The following NUDCD1 variants were observed in gnomAD, a reference collection of about 807,000 sequenced individuals.
The protein encoded by NUDCD1 is NudC domain containing 1, also known as nudC domain-containing protein 1.
A neutral mutation model predicts 67.8 loss-of-function variants in NUDCD1; 60 were observed. The observed-to-expected ratio is 0.88, with a 90% CI of 0.72 to 1.10. The LOEUF (loss-of-function observed/expected upper bound fraction) is 1.10, where lower values mean the gene tolerates loss of function less well. Among genes scored for constraint, NUDCD1 ranks in the 50% least tolerant of loss-of-function variants. The probability of loss-of-function intolerance (pLI) is 0.00; values close to 1 mark genes in which losing one functional copy is unlikely to be tolerated. For missense variants in NUDCD1, 643 were observed against 695.0 expected, an observed-to-expected ratio of 0.93 and a Z score of 0.84; for synonymous variants, 244 against 230.8, an observed-to-expected ratio of 1.06 and a Z score of -0.52.
At chr8:109,304,992 C>T (rs1208253949) in intron 2 of NUDCD1, among the ~76,000 whole-genome samples, 1 of 152,210 alleles carries the variant, frequency 6.6e-6, no homozygotes, top group Non-Finnish European at 1.5e-5. Flanking sequence ...TTCATAACCT[C>T]TTCCATGTAG....
chr8:109,328,146 C>G (rs118059361), intron 1 of NUDCD1, among the ~76,000 whole-genome samples: 4,904 of 152,230 alleles, frequency 0.032, 102 homozygotes, highest in Middle Eastern at 0.11. Flanking sequence ...ACAAAGGACA[C>G]TTATGAGATT....
At chr8:109,250,699 TTC>T in intron 8 of NUDCD1, among the ~76,000 whole-genome samples, 1 of 152,338 alleles carries the variant, frequency 6.6e-6, no homozygotes, top group Middle Eastern at 3.4e-3. Flanking sequence ...TTTTTTCATA[TTC>T]TTTTTCTGCA....
At chr8:109,305,239 G>A (rs1199101255) in intron 2 of NUDCD1, among the ~76,000 whole-genome samples, 1 of 152,148 alleles carries the variant, frequency 6.6e-6, no homozygotes, top group Non-Finnish European at 1.5e-5. Flanking sequence ...CTTGGTCTGG[G>A]TAGACACTTT....
chr8:109,304,560 C>T (rs541867519), intron 2 of NUDCD1, among the ~76,000 whole-genome samples: 5 of 152,312 alleles, frequency 3.3e-5, no homozygotes, highest in East Asian at 3.9e-4. Flanking sequence ...AGGCACTACG[C>T]GTCAATATTT....
chr8:109,319,760 G>A (rs1420928562), intron 2 of NUDCD1, among the ~76,000 whole-genome samples: 2 of 152,190 alleles, frequency 1.3e-5, no homozygotes, highest in Non-Finnish European at 2.9e-5. Flanking sequence ...TATATGCAAA[G>A]ATGAAAAGTT....
chr8:109,311,559 G>GTGTATATATA lies in NUDCD1; in HGVS notation c.273+10749_273+10750insTATATATACA. Among the ~76,000 whole-genome samples, 113 of 125,002 alleles carry GTGTATATATA rather than the reference G, an allele frequency of 9.0e-4. 2 individuals carry two copies. Among genetic ancestry groups the GTGTATATATA allele is most frequent in the Admixed American group, 1.1e-3 (14 of 13,248 alleles). The allele number at this position is 125,002 out of a possible 152,430, so 82.0% of individuals were successfully genotyped here. On this transcript the variant is annotated intron_variant, in intron 2 of 9. Transcript: ENST00000239690. Reference sequence around the variant, plus strand: ...AATGAGTGGATAAAGAAACTGTGGTGTATATATATATATGATGGGATACTG... The same window carrying GTGTATATATA: ...AATGAGTGGATAAAGAAACTGTGGTGTGTATATATATATATATATATATGATGGGATACTG...
At chr8:109,300,310 C>T (rs1189854879) in intron 2 of NUDCD1, among the ~76,000 whole-genome samples, 1 of 150,266 alleles carries the variant, frequency 6.7e-6, no homozygotes, top group Non-Finnish European at 1.5e-5. Flanking sequence ...ATCAGGGAGG[C>T]ATCAGAGAAA....
chr8:109,312,226 C>A lies in NUDCD1; in HGVS notation c.273+10083G>T, dbSNP rs1020222705. Among the ~76,000 whole-genome samples the A allele has an allele frequency of 2.1e-5, 3 of 145,558 alleles. No homozygotes were observed. The East Asian group carries it at 6.2e-4, about 30-fold the overall frequency. ...CTGAGGCAGGAGAATTGCTTGAACA[C>A]GGAGGCAGAGTTTGCAGTGAGCTGA... is the stretch of plus-strand genomic sequence containing the variant. On this transcript the variant is annotated intron_variant, in intron 2 of 9. Coordinates refer to ENST00000239690, the MANE Select transcript of NUDCD1 (RefSeq NM_032869.4).
intron 8 of NUDCD1, among the ~76,000 whole-genome samples, chr8:109,256,522 G>A (rs990343219): frequency 2.6e-5 from 4 of 152,146 alleles, no homozygotes; most frequent in Admixed American, 2.0e-4. Context: ...ACCATGGTAA[G>A]GACACTGAAA....
At chr8:109,273,152 G>A (rs905334448) in intron 7 of NUDCD1, among the ~76,000 whole-genome samples, 16 of 152,112 alleles carry the variant, frequency 1.1e-4, no homozygotes, top group Admixed American at 7.2e-4. Context: ...AAAGACAAGC[G>A]GAAAGCAGCA....
intron 2 of NUDCD1, among the ~76,000 whole-genome samples, chr8:109,307,053 A>C (rs1243438442): frequency 6.6e-6 from 1 of 152,200 alleles, no homozygotes; most frequent in Non-Finnish European, 1.5e-5. Flanking sequence ...TCTGAGCCCA[A>C]GTTAAGCCAT....
At position 109,309,315 on chromosome 8, in the gene NUDCD1, T is replaced by C. The variant is rs545077351; in HGVS notation, c.274-12746A>G. Among the ~76,000 whole-genome samples, 6 of 152,164 alleles carry C rather than the reference T, an allele frequency of 3.9e-5. No individual in the cohort carries two copies. In the East Asian group the frequency reaches 1.2e-3, roughly 29 times the overall value. On this transcript the variant is annotated intron_variant, in intron 2 of 9. Transcript: ENST00000239690. ...GCAGGGATGGTTTAATATACACAAG[T>C]CAATAAATGTGATACACCACATAAA...
At chr8:109,311,572 T>TATATATATATATATATATATATATA (rs1554617143) in intron 2 of NUDCD1, among the ~76,000 whole-genome samples, 15 of 145,290 alleles carry the variant, frequency 1.0e-4, no homozygotes, top group Middle Eastern at 3.3e-3. Context: ...TATATATATA[T>TATATATATATATATATATATATATA]GATGGGATAC....
chr8:109,243,185 T>C lies in NUDCD1; in HGVS notation c.1576A>G (p.Met526Val), dbSNP rs201817819. 3.1e-6 allele frequency: 5 copies of C among 1,613,738 alleles called. No individual in the cohort carries two copies. In the African/African-American group the frequency reaches 5.3e-5, roughly 17 times the overall value. Residue 526 changes from methionine (M) to valine (V), a missense_variant, in exon 10 of 10, where the codon ATG becomes GTG. Met to Val is a conservative substitution (Grantham distance 21, BLOSUM62 1). Transcript: ENST00000239690. ...TTTCTGTTGTAAAGTACAGTGGACA[T>C]GGGAGCAGGCTGACGATAGATGAAT... The part of the protein sequence containing the change: ...RVFIYRQPAP[M>V]STVLYNRKEG...
chr8:109,296,243 A>T, intron 3 of NUDCD1, 141 bp downstream of exon 3: 1 of 696,060 alleles, frequency 1.4e-6, no homozygotes, highest in Non-Finnish European at 2.4e-6. Flanking sequence ...TAATTTAGTT[A>T]AAAAGAGATC....
chr8:109,330,874 C>T (rs1382625057), intron 1 of NUDCD1, among the ~76,000 whole-genome samples: 1 of 152,120 alleles, frequency 6.6e-6, no homozygotes, highest in Non-Finnish European at 1.5e-5. Context: ...ACAACACACA[C>T]TGTGGTCTGT....
intron 8 of NUDCD1, among the ~76,000 whole-genome samples, chr8:109,262,018 CA>C (rs1016990081): frequency 2.7e-5 from 4 of 148,942 alleles, no homozygotes; most frequent in South Asian, 2.1e-4. Context: ...ACTGTTGCAA[CA>C]AAAAAAAACG....
At chr8:109,314,554 C>T (rs369052449) in intron 2 of NUDCD1, among the ~76,000 whole-genome samples, 6 of 152,104 alleles carry the variant, frequency 3.9e-5, no homozygotes, top group Admixed American at 3.3e-4. Flanking sequence ...TCCACATTTG[C>T]TTGAGAAGAA....
At chr8:109,298,339 T>C (rs1292365750) in intron 2 of NUDCD1, among the ~76,000 whole-genome samples, 5 of 152,182 alleles carry the variant, frequency 3.3e-5, no homozygotes. Flanking sequence ...TGGAGGTCAA[T>C]TAAGATAAAT....
Sources: gnomAD v4.1 joint callset for allele counts (sites outside exome capture counted in the v4.1 genomes callset) on GRCh38, gnomAD v4.1.1 for gene constraint, MANE v1.5 for transcripts, NCBI Gene and HGNC (gene_info 2026-07-23, HGNC 2026-07-21) for gene names.